The following GIN1 variants were observed in gnomAD, a reference collection of about 807,000 sequenced individuals.
The protein encoded by GIN1 is gypsy retrotransposon integrase 1, also known as gypsy retrotransposon integrase-like protein 1.
In GIN1, 41 loss-of-function variants were observed where a neutral mutation model predicts 51.4. That is an observed-to-expected ratio of 0.80 (90% CI 0.62 to 1.04). The LOEUF is 1.04. Among genes scored for constraint, GIN1 ranks in the 50% least tolerant of loss-of-function variants. The pLI, the probability that GIN1 is intolerant of heterozygous loss-of-function variation, is 0.00. For synonymous variants in GIN1, 222 were observed against 206.5 expected, an observed-to-expected ratio of 1.07 and a Z score of -0.64; for missense variants, 610 against 612.4, an observed-to-expected ratio of 1.00 and a Z score of 0.04.
chr5:103,113,706 GA>G (rs1328432817), intron 1 of GIN1, among the ~76,000 whole-genome samples: 1 of 151,966 alleles, frequency 6.6e-6, no homozygotes, highest in East Asian at 1.9e-4. Flanking sequence ...ATTTTTAGTA[GA>G]GATGAGGTTT....
chr5:103,087,837 A>C lies in GIN1; in HGVS notation c.*61T>G. 1.4e-6 allele frequency: 1 copy of C among 692,266 alleles called. No individual in the cohort carries two copies. Among genetic ancestry groups the C allele is most frequent in the Non-Finnish European group, 2.3e-6 (1 of 425,808 alleles). 42.9% of individuals were successfully genotyped at this position (692,266 alleles called of 1,614,324 possible). On this transcript the variant is annotated 3_prime_UTR_variant, in exon 8 of 8. Coordinates refer to ENST00000399004, the MANE Select transcript of GIN1 (RefSeq NM_017676.2). ...CTTCTTCTATACAACGTTTTTAATG[A>C]ATAAGATATCATTAAGAATTTATAT...
intron 1 of GIN1, among the ~76,000 whole-genome samples, chr5:103,113,813 C>T (rs1464965249): frequency 8.5e-5 from 13 of 152,156 alleles, no homozygotes; most frequent in African/African-American, 1.9e-4. Flanking sequence ...TGAGCCACCG[C>T]GCCCAGCCCC....
At position 103,096,763 on chromosome 5, in the gene GIN1, G is replaced by C. The variant is rs781807062; in HGVS notation, c.1072C>G (p.Gln358Glu). ...SKIIVKKKPK[Q>E]LNPFHLKVGH... ...ACTTTTAAATGAAATGGATTTAATT[G>C]TTTGGGTTTCTTTTTAACAATGATC... The change falls in exon 7 of 8, where the codon CAA becomes GAA. Residue 358 changes from glutamine (Q) to glutamate (E), a missense_variant. Physicochemically the swap from Gln to Glu is conservative, Grantham distance 29. Coordinates refer to ENST00000399004, the MANE Select transcript of GIN1 (RefSeq NM_017676.2). The C allele has an allele frequency of 1.1e-5, 18 of 1,609,390 alleles. No individual in the cohort carries two copies. The highest frequency in any genetic ancestry group is 3.4e-6 in the Non-Finnish European group (4 of 1,175,934).
chr5:103,111,597 G>A (rs190247594), intron 1 of GIN1, among the ~76,000 whole-genome samples: 260 of 152,118 alleles, frequency 1.7e-3, no homozygotes, highest in Admixed American at 3.7e-3. Context: ...GCTTTTTCAG[G>A]CCTGTAAAAG....
chr5:103,102,029 C>A (rs1787588499), intron 4 of GIN1, among the ~76,000 whole-genome samples: 2 of 152,120 alleles, frequency 1.3e-5, no homozygotes, highest in East Asian at 1.9e-4. Context: ...CCACATAAAT[C>A]TCCTATTATT....
intron 3 of GIN1, among the ~76,000 whole-genome samples, chr5:103,106,065 G>A (rs938410077): frequency 1.4e-4 from 22 of 152,022 alleles, no homozygotes; most frequent in African/African-American, 4.6e-4. Flanking sequence ...TTATTAAGGA[G>A]ATCTCACAGA....
chr5:103,099,335 G>A (rs1278953646), intron 4 of GIN1, among the ~76,000 whole-genome samples: 1 of 151,830 alleles, frequency 6.6e-6, no homozygotes, highest in African/African-American at 2.4e-5. Context: ...TACAATAGGA[G>A]TGACTCTCAA....
At chr5:103,108,820 C>A in intron 1 of GIN1, 106 bp from the exon 2 acceptor site, 2 of 719,692 alleles carry the variant, frequency 2.8e-6, no homozygotes, top group Non-Finnish European at 4.6e-6. Context: ...ACCGAGAATT[C>A]CCAGAATTTA....
In GIN1 at chr5:103,096,609, C is replaced by T; in HGVS notation, c.1226G>A (p.Gly409Glu). Residue 409 changes from glycine (G) to glutamate (E), a missense_variant, in exon 7 of 8, where the codon GGG becomes GAG. Gly to Glu is a moderately conservative substitution (Grantham distance 98). Transcript: ENST00000399004. Reference protein sequence around the residue: ...SGCAVLRDNTGVRLKRPIKMS... With the variant: ...SGCAVLRDNTEVRLKRPIKMS... The stretch of plus-strand genomic sequence containing the variant: ...TTTGATAGGTCTTTTCAGTCTAACC[C>T]CAGTGTTGTCTCTCAGGACAGCACA... The T allele has an allele frequency of 1.9e-6, 3 of 1,613,114 alleles. No individual in the cohort carries two copies. Among genetic ancestry groups the T allele is most frequent in the Non-Finnish European group, 2.5e-6 (3 of 1,179,066 alleles).
Position 103,097,656 on chromosome 5 carries a change from A to T in GIN1, c.765T>A (p.Ala255=). The change falls in exon 5 of 8, where the codon GCT becomes GCA. Residue 255 remains alanine, a synonymous_variant. Coordinates refer to ENST00000399004, the MANE Select transcript of GIN1 (RefSeq NM_017676.2). ...GATCATCCCAATTGTTTGGGTGGTC[A>T]GCACAGTGTTTGGAGAGAAATGCTT... ...TIKAFLSKHC[A]DHPNNWDDHL... 3 of 1,611,826 alleles carry T rather than the reference A, an allele frequency of 1.9e-6. No individual in the cohort carries two copies. In the Middle Eastern group the frequency reaches 5.0e-4, roughly 266 times the overall value.
chr5:103,113,308 C>G (rs782056711), intron 1 of GIN1, among the ~76,000 whole-genome samples: 1 of 152,130 alleles, frequency 6.6e-6, no homozygotes, highest in Non-Finnish European at 1.5e-5. Flanking sequence ...ATTTCTTTCT[C>G]ACAGTTCTGG....
chr5:103,101,164 A>G (rs34820), intron 4 of GIN1, among the ~76,000 whole-genome samples: 51,419 of 151,994 alleles, frequency 0.34, 9,073 homozygotes, highest in East Asian at 0.45. Context: ...GCATTCTTAA[A>G]TAAAATAAGG....
rs781919053 is a variant in GIN1 at position 103,108,248 on chromosome 5, T to C, written c.139+321A>G. 2.2e-4 allele frequency among the ~76,000 whole-genome samples: 34 copies of C among 152,060 alleles called. 1 individual carries two copies. Among genetic ancestry groups the C allele is most frequent in the Admixed American group, 1.5e-3 (23 of 15,250 alleles). On this transcript the variant is annotated intron_variant, in intron 2 of 7. Transcript: ENST00000399004. ...TATTAAGCATCAAAAAAGTTCCTCA[T>C]TGAAATTGGCAACAGTGCTGGAAAG...
At chr5:103,100,448 G>A (rs1440926954) in intron 4 of GIN1, among the ~76,000 whole-genome samples, 2 of 151,954 alleles carry the variant, frequency 1.3e-5, no homozygotes, top group African/African-American at 2.4e-5. Context: ...CTGGAATGCA[G>A]TGGTGCAACC....
At chr5:103,119,391 T>G (rs1788271147) in intron 1 of GIN1, among the ~76,000 whole-genome samples, 2 of 152,334 alleles carry the variant, frequency 1.3e-5, no homozygotes, top group Non-Finnish European at 2.9e-5. Context: ...CACTTCTCTG[T>G]AATCTGGTTC....
intron 1 of GIN1, among the ~76,000 whole-genome samples, chr5:103,113,609 C>G (rs927270793): frequency 6.6e-6 from 1 of 151,430 alleles, no homozygotes; most frequent in Non-Finnish European, 1.5e-5. Flanking sequence ...GCAACCTCTG[C>G]CTCCCAGGCT....
Position 103,086,479 on chromosome 5 carries a change from C to T in GIN1, c.*1419G>A, listed in dbSNP as rs1403025396. Reference sequence around the variant, plus strand: ...CATTATCTTGCTTCTTCACTTTATACCCGAGGCAGTGTAGACAACAAGAAG... The same window carrying T: ...CATTATCTTGCTTCTTCACTTTATATCCGAGGCAGTGTAGACAACAAGAAG... On this transcript the variant is annotated 3_prime_UTR_variant, in exon 8 of 8. Transcript: ENST00000399004. 2 of 152,174 alleles carry T rather than the reference C, an allele frequency of 1.3e-5. No individual in the cohort carries two copies. Among genetic ancestry groups the T allele is most frequent in the African/African-American group, 4.8e-5 (2 of 41,414 alleles). The allele number at this position is 152,174 out of a possible 1,614,324, so 9.4% of individuals were successfully genotyped here.
At chr5:103,109,883 GGACA>G (rs1394157935) in intron 1 of GIN1, among the ~76,000 whole-genome samples, 6 of 151,970 alleles carry the variant, frequency 3.9e-5, no homozygotes, top group Non-Finnish European at 7.4e-5. Context: ...ATTGGCATAA[GGACA>G]GACAAATACA....
chr5:103,106,606 CA>C, intron 3 of GIN1, 109 bp downstream of exon 3: 1 of 634,844 alleles, frequency 1.6e-6, no homozygotes, highest in Admixed American at 3.9e-5. Context: ...AAGTGATTGC[CA>C]AAAATACTTA....
Sources: gnomAD v4.1 joint callset for allele counts (sites outside exome capture counted in the v4.1 genomes callset) on GRCh38, gnomAD v4.1.1 for gene constraint, MANE v1.5 for transcripts, NCBI Gene and HGNC (gene_info 2026-07-23, HGNC 2026-07-21) for gene names.